The following EBF2 variants were observed in gnomAD, a reference collection of about 807,000 sequenced individuals.
EBF2 encodes the protein transcription factor COE2.
EBF2 carries 21 observed loss-of-function variants against 72.8 expected under a neutral mutation model. The observed-to-expected ratio is 0.29, with a 90% CI of 0.20 to 0.42. The LOEUF (loss-of-function observed/expected upper bound fraction) is 0.42. Among genes scored for constraint, EBF2 ranks in the 10% least tolerant of loss-of-function variants. The probability of loss-of-function intolerance (pLI) is 1.00; values close to 1 mark genes in which losing one functional copy is unlikely to be tolerated. For synonymous variants in EBF2, 299 were observed against 274.2 expected (o/e 1.09, Z -0.89); for missense variants, 637 against 731.2 (o/e 0.87, Z 1.49).
At chr8:25,886,449 T>C (rs1320364582) in intron 10 of EBF2, among the ~76,000 whole-genome samples, 1 of 152,234 alleles carries the variant, frequency 6.6e-6, no homozygotes, top group African/African-American at 2.4e-5. Flanking sequence ...AATAACTGTC[T>C]ATTTTTTAAT....
In EBF2 at chr8:25,997,571, C is replaced by CAA. The variant is rs11302993; in HGVS notation, c.551+35512_551+35513dup. ...TGGGCAACAGAACCAGATCCTATCT[C>CAA]AAAAAAAAAAAAAAAAAGTAATCAA... is the stretch of plus-strand genomic sequence containing the variant. On this transcript the variant is annotated intron_variant, in intron 6 of 15. Transcript: ENST00000520164. Among the ~76,000 whole-genome samples, 1,063 of 130,170 alleles carry CAA rather than the reference C, an allele frequency of 8.2e-3. 15 individuals carry two copies. The highest frequency in any genetic ancestry group is 0.029 in the African/African-American group (983 of 33,466). 85.4% of individuals were successfully genotyped at this position (130,170 alleles called of 152,430 possible). A position where few individuals can be genotyped will look rare whatever the true frequency, so the allele number is the denominator to read the frequency against.
chr8:25,887,997 C>A, intron 8 of EBF2, 25 bp from the exon 9 acceptor site: 1 of 1,587,908 alleles, frequency 6.3e-7, no homozygotes, highest in South Asian at 1.1e-5. Context: ...AAGAAAAAGT[C>A]AGGTTTGTTC....
intron 6 of EBF2, among the ~76,000 whole-genome samples, chr8:25,952,546 T>G (rs964489212): frequency 6.6e-6 from 1 of 152,156 alleles, no homozygotes; most frequent in Non-Finnish European, 1.5e-5. Flanking sequence ...GGCCAGGCAG[T>G]CATTAGGTAA....
intron 6 of EBF2, among the ~76,000 whole-genome samples, chr8:26,003,484 C>T (rs1804776706): frequency 6.6e-6 from 1 of 152,136 alleles, no homozygotes; most frequent in Admixed American, 6.5e-5. Context: ...TAAGTAGTCT[C>T]CTGTATTGGA....
chr8:25,877,433 G>A (rs577275489), intron 10 of EBF2, among the ~76,000 whole-genome samples: 3 of 152,278 alleles, frequency 2.0e-5, no homozygotes, highest in South Asian at 2.1e-4. Flanking sequence ...TCTCAATTGC[G>A]CAGAAGCAAG....
intron 6 of EBF2, among the ~76,000 whole-genome samples, chr8:25,925,608 TGCATGTGTGTCTAC>T (rs1803373089): frequency 1.3e-5 from 2 of 152,184 alleles, no homozygotes. Flanking sequence ...AGTGTGTGCG[TGCATGTGTGTCTAC>T]GCATGTGTGT....
At position 25,907,419 on chromosome 8, in the gene EBF2, C is replaced by CAAAAAAA. The variant is rs55695734; in HGVS notation, c.633+1048_633+1054dup. ...TAGGTGACAGAGTGAGACCCTGCCT[C>CAAAAAAA]AAAAAAAAAAAAAAAAAAAAAAAAA... is the stretch of plus-strand genomic sequence containing the variant. On this transcript the variant is annotated intron_variant, in intron 7 of 15. Transcript: ENST00000520164. 2.4e-3 allele frequency among the ~76,000 whole-genome samples: 70 copies of CAAAAAAA among 28,902 alleles called. 6 individuals carry two copies. The highest frequency in any genetic ancestry group is 3.7e-3 in the Non-Finnish European group (57 of 15,542). The allele number at this position is 28,902 out of a possible 152,430, so 19.0% of individuals were successfully genotyped here.
chr8:25,921,163 G>GC (rs1483889906), intron 6 of EBF2, among the ~76,000 whole-genome samples: 1 of 152,088 alleles, frequency 6.6e-6, no homozygotes, highest in Non-Finnish European at 1.5e-5. Flanking sequence ...ACTGGGTCAG[G>GC]TATCATATTA....
chr8:25,880,433 A>G (rs925366815), intron 10 of EBF2, among the ~76,000 whole-genome samples: 1 of 152,194 alleles, frequency 6.6e-6, no homozygotes, highest in African/African-American at 2.4e-5. Flanking sequence ...TTTAAAATCT[A>G]ACTTTTTCTT....
chr8:25,859,444 A>G (rs1802169158), intron 13 of EBF2, among the ~76,000 whole-genome samples: 1 of 152,104 alleles, frequency 6.6e-6, no homozygotes, highest in African/African-American at 2.4e-5. Flanking sequence ...AAAAGTGTGG[A>G]TGAGTTCCCC....
At chr8:25,940,118 A>G (rs1464412735) in intron 6 of EBF2, among the ~76,000 whole-genome samples, 1 of 152,248 alleles carries the variant, frequency 6.6e-6, no homozygotes, top group Non-Finnish European at 1.5e-5. Context: ...TGGCAATATC[A>G]TGATGAAAGA....
chr8:25,953,657 TG>T (rs1404755922), intron 6 of EBF2, among the ~76,000 whole-genome samples: 1 of 152,184 alleles, frequency 6.6e-6, no homozygotes, highest in Non-Finnish European at 1.5e-5. Context: ...CCTAAGACAC[TG>T]TGCTTAGGGC....
At chr8:26,017,179 G>A (rs1255752138) in intron 6 of EBF2, among the ~76,000 whole-genome samples, 1 of 150,746 alleles carries the variant, frequency 6.6e-6, no homozygotes, top group Non-Finnish European at 1.5e-5. Context: ...AGACTCAAAG[G>A]GAAAACATTT....
At chr8:25,960,725 A>C (rs1994297) in intron 6 of EBF2, among the ~76,000 whole-genome samples, 2 of 151,902 alleles carry the variant, frequency 1.3e-5, no homozygotes, top group Non-Finnish European at 2.9e-5. Flanking sequence ...CTAGAGCATC[A>C]TCAAAAAGCC....
At chr8:25,955,346 G>A (rs2117173238) in intron 6 of EBF2, among the ~76,000 whole-genome samples, 1 of 152,348 alleles carries the variant, frequency 6.6e-6, no homozygotes, top group East Asian at 1.9e-4. Flanking sequence ...ACCAAGGTGA[G>A]AGGAAGGCCC....
chr8:25,844,523 T>C lies in EBF2; in HGVS notation c.*86A>G. On this transcript the variant is annotated 3_prime_UTR_variant, in exon 16 of 16. Transcript: ENST00000520164. ...CATCATGTTCATGTGGGGGCACCAC[T>C]ACACCCCCAAAAGAGCTCCTAGTGC... 2.0e-6 allele frequency: 3 copies of C among 1,501,042 alleles called. No individual in the cohort carries two copies. The highest frequency in any genetic ancestry group is 2.8e-6 in the Non-Finnish European group (3 of 1,078,842). The allele number at this position is 1,501,042 out of a possible 1,614,324, so 93.0% of individuals were successfully genotyped here. A position where few individuals can be genotyped will look rare whatever the true frequency, so the allele number is the denominator to read the frequency against.
intron 6 of EBF2, among the ~76,000 whole-genome samples, chr8:25,983,489 C>A (rs1311617991): frequency 6.6e-6 from 1 of 152,208 alleles, no homozygotes; most frequent in Non-Finnish European, 1.5e-5. Flanking sequence ...TGACTCCAGG[C>A]TCAGCGCTGC....
In EBF2 at chr8:26,044,198, G is replaced by C. The variant is rs1805660348; in HGVS notation, c.131+531C>G. Among the ~76,000 whole-genome samples, 1 of 152,140 alleles carries C rather than the reference G, an allele frequency of 6.6e-6. No homozygotes were observed. Among genetic ancestry groups the C allele is most frequent in the Non-Finnish European group, 1.5e-5 (1 of 68,020 alleles). On this transcript the variant is annotated intron_variant, in intron 1 of 15. Coordinates refer to ENST00000520164, the MANE Select transcript of EBF2 (RefSeq NM_022659.4). The surrounding 1 kb of genome is among the most constrained non-coding windows in gnomAD (Gnocchi z 4.1). ...GAGCTCCCGGCCGCCTCGTCTTCCCGGGCAGCCGCTCCGGCTTTTCCCGCT... is the reference window on the plus strand; with the variant it reads ...GAGCTCCCGGCCGCCTCGTCTTCCCCGGCAGCCGCTCCGGCTTTTCCCGCT...
At chr8:25,993,773 C>A (rs986099412) in intron 6 of EBF2, among the ~76,000 whole-genome samples, 15 of 151,090 alleles carry the variant, frequency 9.9e-5, no homozygotes, top group African/African-American at 3.4e-4. Flanking sequence ...GAAATGTATG[C>A]AAATTTTAAA....
Sources: gnomAD v4.1 joint callset for allele counts (sites outside exome capture counted in the v4.1 genomes callset) on GRCh38, gnomAD v4.1.1 for gene constraint, Gnocchi (gnomAD v3.1) non-coding constraint, MANE v1.5 for transcripts, NCBI Gene and HGNC (gene_info 2026-07-23, HGNC 2026-07-21) for gene names.